Variants in B3GALT1 observed in about 807,000 individuals in gnomAD.
The protein encoded by B3GALT1 is beta-1,3-galactosyltransferase 1.
A neutral mutation model predicts 23.2 loss-of-function variants in B3GALT1; 10 were observed. The ratio of observed to expected loss-of-function variants is 0.43; its 90% CI spans 0.27 to 0.73. B3GALT1 has a LOEUF of 0.73. Ranked by LOEUF, B3GALT1 falls within the 30% of genes least tolerant of loss-of-function variation. The pLI is 0.21. For missense variants in B3GALT1, 299 were observed against 405.4 expected (o/e 0.74, Z 2.25); for synonymous variants, 156 against 141.5 (o/e 1.10, Z -0.73).
intron 1 of B3GALT1, among the ~76,000 whole-genome samples, chr2:167,299,853 G>A (rs9784125): frequency 0.24 from 35,541 of 150,570 alleles, 5,220 homozygotes; most frequent in African/African-American, 0.41. Flanking sequence ...ATATATATAT[G>A]TGGAATTTAT....
In B3GALT1 at chr2:167,415,436, A is replaced by G. The variant is rs539512885; in HGVS notation, c.-510-74741A>G. On this transcript the variant is annotated intron_variant, in intron 1 of 4. Transcript: ENST00000392690. ...AGTAAATTTCTTTTATTCATAAATT[A>G]CCCAGTTTCAAATATTCTTTTATAA... 2.6e-5 allele frequency among the ~76,000 whole-genome samples: 4 copies of G among 152,290 alleles called. No individual in the cohort carries two copies. The East Asian group carries it at 7.7e-4, about 29-fold the overall frequency.
chr2:167,585,582 G>A (rs1684572710), intron 2 of B3GALT1, among the ~76,000 whole-genome samples: 1 of 152,102 alleles, frequency 6.6e-6, no homozygotes, highest in South Asian at 2.1e-4. Context: ...AGAACTAGTG[G>A]GAACGTATAT....
chr2:167,320,568 T>G (rs1696795024), intron 1 of B3GALT1, among the ~76,000 whole-genome samples: 1 of 152,058 alleles, frequency 6.6e-6, no homozygotes, highest in East Asian at 1.9e-4. Flanking sequence ...CATTGCCATG[T>G]TTCTGTTAAA....
At chr2:167,688,382 G>A (rs1227347549) in intron 3 of B3GALT1, among the ~76,000 whole-genome samples, 3 of 151,948 alleles carry the variant, frequency 2.0e-5, no homozygotes, top group East Asian at 3.9e-4. Flanking sequence ...GCTTCAACAA[G>A]CAATTACGAA....
chr2:167,370,260 T>C (rs2105268895), intron 1 of B3GALT1, among the ~76,000 whole-genome samples: 1 of 152,362 alleles, frequency 6.6e-6, no homozygotes, highest in East Asian at 1.9e-4. Context: ...ATTGTGTCCA[T>C]TGAACTGTTG....
At chr2:167,454,258 T>C (rs1472909243) in intron 1 of B3GALT1, among the ~76,000 whole-genome samples, 1 of 152,188 alleles carries the variant, frequency 6.6e-6, no homozygotes, top group East Asian at 1.9e-4. Context: ...CACGTGCACG[T>C]AAACCATAGG....
intron 3 of B3GALT1, chr2:167,715,054 A>G (rs34416992): frequency 0.27 from 436,283 of 1,611,518 alleles, 62,814 homozygotes; most frequent in Non-Finnish European, 0.3. Flanking sequence ...ATAACTGAAT[A>G]ATAATGTGGT....
At chr2:167,618,118 C>T (rs1046580214) in intron 2 of B3GALT1, among the ~76,000 whole-genome samples, 1 of 152,034 alleles carries the variant, frequency 6.6e-6, no homozygotes, top group Non-Finnish European at 1.5e-5. Flanking sequence ...AATTTTCCTT[C>T]TTGTTACCTG....
At chr2:167,633,107 CAG>C (rs1685479364) in intron 2 of B3GALT1, among the ~76,000 whole-genome samples, 1 of 151,888 alleles carries the variant, frequency 6.6e-6, no homozygotes. Context: ...AGTTGGAAAA[CAG>C]TGTTCAGGAT....
At chr2:167,447,945 T>G (rs1699026801) in intron 1 of B3GALT1, among the ~76,000 whole-genome samples, 1 of 152,170 alleles carries the variant, frequency 6.6e-6, no homozygotes, top group African/African-American at 2.4e-5. Context: ...TCGCTCATAC[T>G]GGGAGCTGTA....
chr2:167,309,967 C>T (rs1051896515), intron 1 of B3GALT1, among the ~76,000 whole-genome samples: 12 of 152,026 alleles, frequency 7.9e-5, no homozygotes, highest in African/African-American at 2.9e-4. Flanking sequence ...ATGTCATGTA[C>T]ATACCACAAA....
At chr2:167,406,809 C>A (rs953922801) in intron 1 of B3GALT1, among the ~76,000 whole-genome samples, 2 of 152,134 alleles carry the variant, frequency 1.3e-5, no homozygotes, top group African/African-American at 4.8e-5. Context: ...GATACAGATC[C>A]CCTGGGGATG....
At chr2:167,793,482 G>C (rs1688482009) in intron 3 of B3GALT1, among the ~76,000 whole-genome samples, 1 of 152,186 alleles carries the variant, frequency 6.6e-6, no homozygotes, top group Admixed American at 6.5e-5. Context: ...GGAAGGGTTA[G>C]AGAAGAATAA....
chr2:167,714,896 T>G, intron 3 of B3GALT1: 2 of 1,610,370 alleles, frequency 1.2e-6, no homozygotes, highest in Non-Finnish European at 1.7e-6. Flanking sequence ...TTCATTTTCT[T>G]GATATAGTTC....
intron 4 of B3GALT1, among the ~76,000 whole-genome samples, chr2:167,836,419 G>C (rs913783825): frequency 2.0e-5 from 3 of 152,174 alleles, no homozygotes; most frequent in Non-Finnish European, 4.4e-5. Flanking sequence ...CTGGAAGAAA[G>C]GGTATCAGCA....
At chr2:167,560,000 TAGTC>T (rs1450231695) in intron 2 of B3GALT1, among the ~76,000 whole-genome samples, 40 of 151,928 alleles carry the variant, frequency 2.6e-4, no homozygotes, top group Non-Finnish European at 1.2e-4. Context: ...AGACACATAA[TAGTC>T]AGATTCACCA....
chr2:167,352,495 G>A (rs1697329212), intron 1 of B3GALT1, among the ~76,000 whole-genome samples: 1 of 150,704 alleles, frequency 6.6e-6, no homozygotes, highest in African/African-American at 2.4e-5. Context: ...GCCGAGGTGG[G>A]CGGATCACAA....
chr2:167,521,126 A>T (rs1035721765), intron 2 of B3GALT1, among the ~76,000 whole-genome samples: 2 of 152,116 alleles, frequency 1.3e-5, no homozygotes, highest in Non-Finnish European at 2.9e-5. Flanking sequence ...TTTGTAAAGC[A>T]TCAGTGATTT....
At chr2:167,843,857 G>A (rs757266585) in intron 4 of B3GALT1, among the ~76,000 whole-genome samples, 26 of 152,176 alleles carry the variant, frequency 1.7e-4, no homozygotes, top group Non-Finnish European at 2.4e-4. Flanking sequence ...ATGATCTGAG[G>A]ACTCCAGACA....
Sources: gnomAD v4.1 joint callset for allele counts (sites outside exome capture counted in the v4.1 genomes callset) on GRCh38, gnomAD v4.1.1 for gene constraint, MANE v1.5 for transcripts, NCBI Gene and HGNC (gene_info 2026-07-23, HGNC 2026-07-21) for gene names.